The following PLCB1 variants were observed in gnomAD, a reference collection of about 807,000 sequenced individuals.
PLCB1 encodes the protein 1-phosphatidylinositol 4,5-bisphosphate phosphodiesterase beta-1.
PLCB1 carries 46 observed loss-of-function variants against 161.8 expected under a neutral mutation model. The ratio of observed to expected loss-of-function variants is 0.28; its 90% confidence interval spans 0.22 to 0.36. The LOEUF is 0.36. Ranked by LOEUF, PLCB1 falls within the 10% of genes least tolerant of loss-of-function variation. The probability of loss-of-function intolerance (pLI) is 1.00; values close to 1 mark genes in which losing one functional copy is unlikely to be tolerated. For synonymous variants in PLCB1, 517 were observed against 503.7 expected, an observed-to-expected ratio of 1.03 and a Z score of -0.35; for missense variants, 1,016 against 1,472.5, an observed-to-expected ratio of 0.69 and a Z score of 5.07.
chr20:8,170,056 C>T (rs2051718015), intron 2 of PLCB1, among the ~76,000 whole-genome samples: 1 of 152,106 alleles, frequency 6.6e-6, no homozygotes, highest in African/African-American at 2.4e-5. Flanking sequence ...TGATATATTC[C>T]TCCTGCTGGT....
At chr20:8,813,276 T>C (rs1984921125) in intron 31 of PLCB1, among the ~76,000 whole-genome samples, 1 of 152,194 alleles carries the variant, frequency 6.6e-6, no homozygotes, top group Non-Finnish European at 1.5e-5. Flanking sequence ...TTTGGCAAGA[T>C]TTTTAGGCAA....
intron 2 of PLCB1, among the ~76,000 whole-genome samples, chr20:8,348,165 G>T (rs1202356930): frequency 6.6e-6 from 1 of 152,180 alleles, no homozygotes; most frequent in Non-Finnish European, 1.5e-5. Flanking sequence ...AGTCTAGGAA[G>T]CAGGTCATAG....
chr20:8,836,714 A>G (rs1430822344), intron 31 of PLCB1, among the ~76,000 whole-genome samples: 1 of 152,198 alleles, frequency 6.6e-6, no homozygotes, highest in Non-Finnish European at 1.5e-5. Context: ...GATTTTGGTG[A>G]CTGTGTATAT....
intron 2 of PLCB1, among the ~76,000 whole-genome samples, chr20:8,151,703 T>A (rs2051510388): frequency 6.6e-6 from 1 of 152,196 alleles, no homozygotes; most frequent in Non-Finnish European, 1.5e-5. Context: ...CTAAAGGATA[T>A]TTTTAGAACT....
At chr20:8,444,672 A>C (rs531799146) in intron 3 of PLCB1, among the ~76,000 whole-genome samples, 4 of 152,324 alleles carry the variant, frequency 2.6e-5, no homozygotes, top group Admixed American at 2.0e-4. Flanking sequence ...CCAACAATGT[A>C]AAAGTGTTCC....
At chr20:8,253,664 G>T (rs1029971585) in intron 2 of PLCB1, among the ~76,000 whole-genome samples, 1 of 151,888 alleles carries the variant, frequency 6.6e-6, no homozygotes, top group African/African-American at 2.4e-5. Flanking sequence ...ACATGTGCAG[G>T]TTTGTTACCT....
At chr20:8,675,255 C>T (rs868110310) in intron 9 of PLCB1, among the ~76,000 whole-genome samples, 2 of 152,036 alleles carry the variant, frequency 1.3e-5, no homozygotes, top group East Asian at 1.9e-4. Context: ...TCCACAAAAG[C>T]GGCCTTGTGA....
At chr20:8,533,091 C>T (rs1984886716) in intron 3 of PLCB1, among the ~76,000 whole-genome samples, 1 of 150,318 alleles carries the variant, frequency 6.7e-6, no homozygotes, top group Non-Finnish European at 1.5e-5. Flanking sequence ...TCAATTCCCA[C>T]CTATGAGTGA....
intron 3 of PLCB1, among the ~76,000 whole-genome samples, chr20:8,447,230 G>A (rs1324190579): frequency 6.6e-6 from 1 of 152,188 alleles, no homozygotes; most frequent in African/African-American, 2.4e-5. Context: ...CAAGAGAGCT[G>A]TGTGGCAACT....
Position 8,725,034 on chromosome 20 carries a change from A to T in PLCB1, c.1678+282A>T, listed in dbSNP as rs140414984. Among the ~76,000 whole-genome samples, 168 of 152,302 alleles carry T rather than the reference A, an allele frequency of 1.1e-3. 1 individual carries two copies. Among genetic ancestry groups the T allele is most frequent in the East Asian group, 7.5e-3 (39 of 5,182 alleles). Reference sequence around the variant, plus strand: ...ATGGCTATCGGAAAGACACATGACCAGAGTACAACTAATTGGGAATTGTAC... The same window carrying T: ...ATGGCTATCGGAAAGACACATGACCTGAGTACAACTAATTGGGAATTGTAC... On this transcript the variant is annotated intron_variant, in intron 16 of 31. Transcript: ENST00000338037.
intron 20 of PLCB1, among the ~76,000 whole-genome samples, chr20:8,738,919 G>A (rs1980722193): frequency 6.6e-6 from 1 of 152,192 alleles, no homozygotes; most frequent in Non-Finnish European, 1.5e-5. Flanking sequence ...GGGAGGCCAA[G>A]GTGGTGGATC....
intron 4 of PLCB1, among the ~76,000 whole-genome samples, chr20:8,637,956 C>T (rs1313247319): frequency 1.3e-5 from 2 of 152,188 alleles, no homozygotes; most frequent in Non-Finnish European, 2.9e-5. Flanking sequence ...TGCAGTGGCG[C>T]CATCTCGGCT....
intron 2 of PLCB1, among the ~76,000 whole-genome samples, chr20:8,189,824 T>G (rs967333118): frequency 3.9e-4 from 59 of 152,074 alleles, no homozygotes; most frequent in African/African-American, 1.4e-3. Flanking sequence ...TGTATGATAT[T>G]TGTCATTCTC....
At chr20:8,513,191 T>C (rs752352870) in intron 3 of PLCB1, among the ~76,000 whole-genome samples, 1 of 152,206 alleles carries the variant, frequency 6.6e-6, no homozygotes, top group African/African-American at 2.4e-5. Context: ...CAAGCAAAGT[T>C]GATCAAAGAC....
intron 3 of PLCB1, among the ~76,000 whole-genome samples, chr20:8,560,617 A>G (rs1012865034): frequency 2.0e-5 from 3 of 152,028 alleles, no homozygotes; most frequent in African/African-American, 7.2e-5. Context: ...CAAAGGTAAC[A>G]TACAATGAGT....
At chr20:8,212,432 G>T (rs1978875344) in intron 2 of PLCB1, among the ~76,000 whole-genome samples, 1 of 152,062 alleles carries the variant, frequency 6.6e-6, no homozygotes, top group Non-Finnish European at 1.5e-5. Flanking sequence ...TGGGTGAAAA[G>T]AGCCCTGGAG....
At chr20:8,588,869 T>C (rs1987066358) in intron 3 of PLCB1, among the ~76,000 whole-genome samples, 1 of 152,178 alleles carries the variant, frequency 6.6e-6, no homozygotes, top group Admixed American at 6.5e-5. Context: ...ATGTTTGTAA[T>C]TTTCCCCATT....
At chr20:8,222,727 C>T (rs1259586491) in intron 2 of PLCB1, among the ~76,000 whole-genome samples, 2 of 152,010 alleles carry the variant, frequency 1.3e-5, no homozygotes, top group Admixed American at 1.3e-4. Context: ...TTATGTTGCC[C>T]TATTTTACAT....
chr20:8,534,709 T>C (rs180673618), intron 3 of PLCB1, among the ~76,000 whole-genome samples: 1 of 152,298 alleles, frequency 6.6e-6, no homozygotes, highest in East Asian at 1.9e-4. Context: ...CTATTCCTGA[T>C]ACAAAGCAAC....
Sources: allele counts gnomAD v4.1 joint callset (sites outside exome capture counted in the v4.1 genomes callset), GRCh38; gene constraint gnomAD v4.1.1; transcripts MANE v1.5; gene names NCBI Gene and HGNC (gene_info 2026-07-23, HGNC 2026-07-21).